Variants in MAML2 observed in about 807,000 individuals in gnomAD.
MAML2 encodes mastermind like transcriptional coactivator 2, also known as mastermind-like protein 2.
In MAML2, 22 loss-of-function variants were observed where a neutral mutation model predicts 96.1. That is an observed-to-expected ratio of 0.23 (90% CI 0.16 to 0.33). MAML2 has a LOEUF of 0.33. MAML2 is among the 10% of genes least tolerant of loss of function. The pLI is 1.00. For missense variants in MAML2, 1,367 were observed against 1,392.4 expected (o/e 0.98, Z 0.29); for synonymous variants, 561 against 521.3 (o/e 1.08, Z -1.04).
In MAML2 at chr11:96,092,541, A is replaced by G. The variant is rs959424692; in HGVS notation, c.1490T>C (p.Met497Thr). 6.3e-7 allele frequency: 1 copy of G among 1,599,580 alleles called. No homozygotes were observed. The highest frequency in any genetic ancestry group is 1.3e-5 in the African/African-American group (1 of 74,716). ...GCCGCTGCCGCCAGCTACCCCAGGC[A>G]TGGGGGAGCTCTGTGGGCTGAATGT... Reference protein sequence around the residue: ...QQTFSPQSSPMPGVAGGSGQS... With the variant: ...QQTFSPQSSPTPGVAGGSGQS... Residue 497 changes from methionine (M) to threonine (T), a missense_variant, in exon 2 of 5, where the codon ATG (methionine) becomes ACG (threonine). Transcript: ENST00000524717. The surrounding 1 kb of genome is among the most constrained non-coding windows in gnomAD (Gnocchi z 4.1).
chr11:95,981,336 A>C (rs886195117), intron 4 of MAML2, among the ~76,000 whole-genome samples: 2 of 152,222 alleles, frequency 1.3e-5, no homozygotes, highest in African/African-American at 2.4e-5. Flanking sequence ...ACATATTGAA[A>C]TCTTCTTGAC....
rs373146502 is a variant in MAML2, at chr11:96,191,451, C to T, written c.514-97934G>A. On this transcript the variant is annotated intron_variant, in intron 1 of 4. Transcript: ENST00000524717. ...CTGCACTCCAGCCTGGGCGACAGAG[C>T]GAGAATCCGTCTCAAAAAAATAACA... Among the ~76,000 whole-genome samples the T allele has an allele frequency of 2.1e-4, 28 of 134,128 alleles. No individual in the cohort carries two copies. The East Asian group carries it at 4.6e-3, about 22-fold the overall frequency. 88.0% of individuals were successfully genotyped at this position (134,128 alleles called of 152,430 possible).
intron 2 of MAML2, among the ~76,000 whole-genome samples, chr11:96,058,048 G>A (rs1026595536): frequency 6.6e-6 from 1 of 152,194 alleles, no homozygotes; most frequent in African/African-American, 2.4e-5. Flanking sequence ...TTAAATCTGT[G>A]TCAGAGCCAG....
chr11:96,321,263 T>C (rs77366954), intron 1 of MAML2, among the ~76,000 whole-genome samples: 4 of 152,352 alleles, frequency 2.6e-5, no homozygotes, highest in Non-Finnish European at 5.9e-5. Flanking sequence ...GTGTTTCTCC[T>C]GTGCTGGAAT....
At chr11:96,197,843 A>G (rs1039572875) in intron 1 of MAML2, among the ~76,000 whole-genome samples, 3 of 152,240 alleles carry the variant, frequency 2.0e-5, no homozygotes, top group African/African-American at 7.2e-5. Flanking sequence ...TCAGAGGGGA[A>G]GTAATGATTC....
chr11:96,032,187 G>A (rs915196669), intron 2 of MAML2, among the ~76,000 whole-genome samples: 3 of 151,930 alleles, frequency 2.0e-5, no homozygotes, highest in African/African-American at 7.3e-5. Flanking sequence ...ATAGCAAAGT[G>A]GTGCAGCCAC....
intron 1 of MAML2, among the ~76,000 whole-genome samples, chr11:96,267,025 C>T (rs1317587676): frequency 6.6e-6 from 1 of 152,146 alleles, no homozygotes; most frequent in East Asian, 1.9e-4. Flanking sequence ...GGCCATGTAG[C>T]CTGCTGAGGA....
At chr11:96,100,288 G>T (rs1239094250) in intron 1 of MAML2, among the ~76,000 whole-genome samples, 1 of 151,438 alleles carries the variant, frequency 6.6e-6, no homozygotes, top group African/African-American at 2.4e-5. Context: ...GTTTTTTGTT[G>T]TTATTGTTGT....
At chr11:96,201,304 GA>G (rs1209856220) in intron 1 of MAML2, among the ~76,000 whole-genome samples, 2 of 152,138 alleles carry the variant, frequency 1.3e-5, no homozygotes, top group Non-Finnish European at 2.9e-5. Context: ...GGAGGAAAGG[GA>G]AGAAGAGAAG....
intron 1 of MAML2, among the ~76,000 whole-genome samples, chr11:96,337,969 C>T (rs1214117462): frequency 6.6e-6 from 1 of 152,204 alleles, no homozygotes. Context: ...GGCACAAAAC[C>T]AAGGGATGTA....
At chr11:96,283,688 C>T (rs1384372846) in intron 1 of MAML2, among the ~76,000 whole-genome samples, 3 of 152,182 alleles carry the variant, frequency 2.0e-5, no homozygotes, top group Admixed American at 6.5e-5. Context: ...TTCTGAAGTC[C>T]AGCTGGATTC....
At chr11:96,329,187 A>G (rs1449520772) in intron 1 of MAML2, among the ~76,000 whole-genome samples, 2 of 152,118 alleles carry the variant, frequency 1.3e-5, no homozygotes, top group African/African-American at 4.8e-5. Context: ...GATCTGGGGA[A>G]AAAAAATCAG....
chr11:96,132,475 T>C (rs1860563107), intron 1 of MAML2, among the ~76,000 whole-genome samples: 1 of 152,120 alleles, frequency 6.6e-6, no homozygotes, highest in Non-Finnish European at 1.5e-5. Context: ...AGTTATAGAG[T>C]AATTCTTTGA....
At chr11:96,097,118 C>T (rs1329232594) in intron 1 of MAML2, among the ~76,000 whole-genome samples, 1 of 152,150 alleles carries the variant, frequency 6.6e-6, no homozygotes, top group African/African-American at 2.4e-5. Context: ...TGAAATATCT[C>T]CTTTGCTGGA....
At chr11:96,002,237 T>C (rs1161149423) in intron 2 of MAML2, among the ~76,000 whole-genome samples, 1 of 152,176 alleles carries the variant, frequency 6.6e-6, no homozygotes, top group Non-Finnish European at 1.5e-5. Context: ...TCTCCATAGA[T>C]GTTTTCTGAA....
At chr11:96,108,292 C>T (rs868168072) in intron 1 of MAML2, among the ~76,000 whole-genome samples, 16 of 152,156 alleles carry the variant, frequency 1.1e-4, no homozygotes, top group Admixed American at 6.5e-4. Context: ...CTGTGGTGAG[C>T]GAGAGTAGAA....
At chr11:96,276,621 G>A (rs1164812793) in intron 1 of MAML2, among the ~76,000 whole-genome samples, 1 of 152,078 alleles carries the variant, frequency 6.6e-6, no homozygotes, top group Non-Finnish European at 1.5e-5. Flanking sequence ...CAGAGCATAA[G>A]AACTAGCTTT....
intron 1 of MAML2, among the ~76,000 whole-genome samples, chr11:96,225,781 C>A (rs1862201682): frequency 6.6e-6 from 1 of 150,772 alleles, no homozygotes; most frequent in Non-Finnish European, 1.5e-5. Context: ...TGCAGTGAGC[C>A]AAAAATGGGC....
At chr11:96,003,118 G>A (rs1209353115) in intron 2 of MAML2, among the ~76,000 whole-genome samples, 3 of 148,010 alleles carry the variant, frequency 2.0e-5, no homozygotes, top group African/African-American at 7.4e-5. Flanking sequence ...GGATGATGAA[G>A]ATGATTATGG....
Sources: gnomAD v4.1 joint callset for allele counts (sites outside exome capture counted in the v4.1 genomes callset) on GRCh38, gnomAD v4.1.1 for gene constraint, Gnocchi (gnomAD v3.1) non-coding constraint, MANE v1.5 for transcripts, NCBI Gene and HGNC (gene_info 2026-07-23, HGNC 2026-07-21) for gene names.